ARID5A: variants seen among roughly 807,000 people sequenced by gnomAD.
ARID5A encodes the protein AT-rich interactive domain-containing protein 5A.
Under a neutral mutation model 30.5 loss-of-function variants are expected in ARID5A, and 14 were observed. That is an observed-to-expected ratio of 0.46 (90% CI 0.30 to 0.72). The LOEUF (loss-of-function observed/expected upper bound fraction) is 0.72, where lower values mean the gene tolerates loss of function less well. Ranked by LOEUF, ARID5A falls within the 30% of genes least tolerant of loss-of-function variation. The pLI, the probability that ARID5A is intolerant of heterozygous loss-of-function variation, is 0.07. For synonymous variants in ARID5A, 338 were observed against 340.4 expected, an observed-to-expected ratio of 0.99 and a Z score of 0.08; for missense variants, 669 against 786.2, an observed-to-expected ratio of 0.85 and a Z score of 1.78.
rs768164465 is a variant in ARID5A at position 96,549,727 on chromosome 2, GGCCA to G, written c.260-22_260-19del. 1 of 1,613,908 alleles carries G rather than the reference GGCCA, an allele frequency of 6.2e-7. No individual in the cohort carries two copies. Among genetic ancestry groups the G allele is most frequent in the Non-Finnish European group, 8.5e-7 (1 of 1,179,964 alleles). On this transcript the variant is annotated intron_variant, in intron 3 of 6. Coordinates refer to ENST00000357485, the MANE Select transcript of ARID5A (RefSeq NM_212481.3). This position sits in a 1 kb window ranked among gnomAD's most constrained non-coding sequence, Gnocchi z 6.1. ...GTCCCCACCTCCCACAGAGACTGAC[GGCCA>G]GCCTGCTCTTCTCTCCCCCAGTTAA...
At position 96,537,162 on chromosome 2, in the gene ARID5A, G is replaced by A. The variant is rs901565513; in HGVS notation, c.4+332G>A. ...TCTTGCCTGAAATATGCCGAGCCCG[G>A]TACGGCTCTGTCGTCCCACTTCCTG... is the stretch of plus-strand genomic sequence containing the variant. On this transcript the variant is annotated intron_variant, in intron 1 of 6. Transcript: ENST00000357485. This position sits in a 1 kb window ranked among gnomAD's most constrained non-coding sequence, Gnocchi z 4.8. Among the ~76,000 whole-genome samples the A allele has an allele frequency of 4.6e-5, 7 of 152,204 alleles. No individual in the cohort carries two copies. The highest frequency in any genetic ancestry group is 2.6e-4 in the Admixed American group (4 of 15,284).
In ARID5A at chr2:96,552,460, A is replaced by G. The variant is rs922965513; in HGVS notation, c.*147A>G. Reference sequence around the variant, plus strand: ...GGGCAGCCTGGCACAAGTGAAGAAGAAGGCAGTGGGAAAACTGGGTTTATC... The same window carrying G: ...GGGCAGCCTGGCACAAGTGAAGAAGGAGGCAGTGGGAAAACTGGGTTTATC... On this transcript the variant is annotated 3_prime_UTR_variant, in exon 7 of 7. Transcript: ENST00000357485. 1.9e-6 allele frequency: 3 copies of G among 1,543,074 alleles called. No homozygotes were observed. Among genetic ancestry groups the G allele is most frequent in the African/African-American group, 1.4e-5 (1 of 73,084 alleles).
chr2:96,551,410 C>T lies in ARID5A; in HGVS notation c.882C>T (p.Leu294=). The part of the protein sequence containing the change: ...AEPQASPAVH[L]PESPQSPKGL... ...CCCAGGCGTCCCCAGCTGTTCACCT[C>T]CCAGAGAGTCCCCAGAGCCCCAAAG... is the stretch of plus-strand genomic sequence containing the variant. Residue 294 remains leucine, a synonymous_variant, in exon 7 of 7, where the codon CTC becomes CTT. Transcript: ENST00000357485. 6.2e-7 allele frequency: 1 copy of T among 1,604,674 alleles called. No homozygotes were observed. Among genetic ancestry groups the T allele is most frequent in the South Asian group, 1.1e-5 (1 of 90,302 alleles).
chr2:96,538,160 C>T, intron 1 of ARID5A: 2 of 985,370 alleles, frequency 2.0e-6, no homozygotes, highest in Non-Finnish European at 2.4e-6. Flanking sequence ...AGTTGAGAGA[C>T]GTCAACTGGC....
In ARID5A at chr2:96,552,151, C is replaced by T. The variant is rs760452945; in HGVS notation, c.1623C>T (p.Thr541=). The T allele has an allele frequency of 3.7e-5, 60 of 1,612,988 alleles. No homozygotes were observed. The South Asian group carries it at 4.1e-4, about 11-fold the overall frequency. The change falls in exon 7 of 7, where the codon ACC becomes ACT. Residue 541 remains threonine (T), a synonymous_variant. Coordinates refer to ENST00000357485, the MANE Select transcript of ARID5A (RefSeq NM_212481.3). ...IPAFPAHFLA[T]AGPSPMAAGL... Reference sequence around the variant, plus strand: ...CCTTCCCGGCCCACTTCCTGGCCACCGCAGGCCCCTCGCCCATGGCCGCTG... The same window carrying T: ...CCTTCCCGGCCCACTTCCTGGCCACTGCAGGCCCCTCGCCCATGGCCGCTG...
In ARID5A at chr2:96,549,082, G is replaced by T. The variant is rs1195756040; in HGVS notation, c.121-239G>T. Among the ~76,000 whole-genome samples, 3 of 152,178 alleles carry T rather than the reference G, an allele frequency of 2.0e-5. No homozygotes were observed. The highest frequency in any genetic ancestry group is 3.2e-3 in the Middle Eastern group (1 of 316). ...AGCCTCTGGAGCCAGCTGCTCTGGG[G>T]TACCCAGCCTCCGGGGAGGTCCTGG... On this transcript the variant is annotated intron_variant, in intron 2 of 6. Transcript: ENST00000357485. The surrounding 1 kb of genome is among the most constrained non-coding windows in gnomAD (Gnocchi z 6.1).
At position 96,552,509 on chromosome 2, in the gene ARID5A, G is replaced by A; in HGVS notation, c.*196G>A. ...TCTCAAGGCAGCAGCCTGAGCCCAG[G>A]AGCAGAGGACCCAGTTGTTATAAGG... On this transcript the variant is annotated 3_prime_UTR_variant, in exon 7 of 7. Coordinates refer to ENST00000357485, the MANE Select transcript of ARID5A (RefSeq NM_212481.3). 1 of 1,534,476 alleles carries A rather than the reference G, an allele frequency of 6.5e-7. No individual in the cohort carries two copies. The highest frequency in any genetic ancestry group is 8.7e-7 in the Non-Finnish European group (1 of 1,146,108).
At position 96,551,878 on chromosome 2, in the gene ARID5A, G is replaced by C. The variant is rs1402965177; in HGVS notation, c.1350G>C (p.Glu450Asp). 1 of 1,576,366 alleles carries C rather than the reference G, an allele frequency of 6.3e-7. No individual in the cohort carries two copies. The highest frequency in any genetic ancestry group is 8.6e-7 in the Non-Finnish European group (1 of 1,164,832). ...GLGSKRSLEE[E>D]GAAHSGKRLR... ...GCAGCAAGCGCAGCCTGGAGGAAGA[G>C]GGTGCTGCCCACAGTGGGAAGAGAC... Residue 450 changes from glutamate to aspartate, a missense_variant, in exon 7 of 7, where the codon GAG (glutamate) becomes GAC (aspartate). By Grantham distance (45) the Glu-to-Asp change is conservative. This residue lies in a region of ARID5A where 548 missense variants were observed against 577.4 expected (regional missense o/e 0.95). Coordinates refer to ENST00000357485, the MANE Select transcript of ARID5A (RefSeq NM_212481.3).
Position 96,551,767 on chromosome 2 carries a change from C to G in ARID5A, c.1239C>G (p.Pro413=), listed in dbSNP as rs2066051245. The G allele has an allele frequency of 6.5e-7, 1 of 1,533,252 alleles. No individual in the cohort carries two copies. Among genetic ancestry groups the G allele is most frequent in the Non-Finnish European group, 8.7e-7 (1 of 1,144,514 alleles). 95.0% of individuals were successfully genotyped at this position (1,533,252 alleles called of 1,614,324 possible). ...GSRKGILYPK[P]KACWVSPMAK... ...GAAAGGGCATCCTCTACCCCAAGCC[C>G]AAAGCCTGCTGGGTGTCCCCCATGG... Residue 413 remains proline, a synonymous_variant, in exon 7 of 7, where the codon CCC becomes CCG. Coordinates refer to ENST00000357485, the MANE Select transcript of ARID5A (RefSeq NM_212481.3).
intron 1 of ARID5A, among the ~76,000 whole-genome samples, chr2:96,546,755 ACT>A (rs1426181031): frequency 6.6e-6 from 1 of 152,112 alleles, no homozygotes; most frequent in East Asian, 1.9e-4. Context: ...GGCAGTTAGA[ACT>A]CTGCAGATGC....
chr2:96,551,003 G>T (rs1301916605), intron 6 of ARID5A, 96 bp from the exon 7 acceptor site: 1 of 1,400,064 alleles, frequency 7.1e-7, no homozygotes, highest in South Asian at 1.4e-5. Context: ...AGGGGCTGGC[G>T]GGGGACCTGG....
intron 1 of ARID5A, chr2:96,538,321 G>A: frequency 4.1e-6 from 4 of 985,528 alleles, no homozygotes; most frequent in Non-Finnish European, 4.8e-6. Context: ...CCCAGAGCCC[G>A]GTAAGAGGGA....
In ARID5A at chr2:96,552,535, C is replaced by T. The variant is rs768471498; in HGVS notation, c.*222C>T. The stretch of plus-strand genomic sequence containing the variant: ...AGCAGAGGACCCAGTTGTTATAAGG[C>T]GCTGGGAGAGGATGGGCAGCTCCCA... On this transcript the variant is annotated 3_prime_UTR_variant, in exon 7 of 7. Coordinates refer to ENST00000357485, the MANE Select transcript of ARID5A (RefSeq NM_212481.3). 23 of 1,530,464 alleles carry T rather than the reference C, an allele frequency of 1.5e-5. No individual in the cohort carries two copies. Among genetic ancestry groups the T allele is most frequent in the East Asian group, 4.9e-5 (2 of 40,660 alleles). The allele number at this position is 1,530,464 out of a possible 1,614,324, so 94.8% of individuals were successfully genotyped here.
In ARID5A at chr2:96,550,162, C is replaced by G. The variant is rs1241029991; in HGVS notation, c.313-26C>G. The G allele has an allele frequency of 1.3e-6, 2 of 1,532,462 alleles. No individual in the cohort carries two copies. The highest frequency in any genetic ancestry group is 1.8e-6 in the Non-Finnish European group (2 of 1,141,866). 94.9% of individuals were successfully genotyped at this position (1,532,462 alleles called of 1,614,324 possible). ...CCGCCGCCAGGGGGCGCCCGCCGGCCGCGCCCTCACGAGGTGCCCTTGCAG... is the reference window on the plus strand; with the variant it reads ...CCGCCGCCAGGGGGCGCCCGCCGGCGGCGCCCTCACGAGGTGCCCTTGCAG... On this transcript the variant is annotated intron_variant, in intron 4 of 6. Transcript: ENST00000357485. The surrounding 1 kb of genome is among the most constrained non-coding windows in gnomAD (Gnocchi z 6.6).
chr2:96,542,251 G>C (rs2065859238), intron 1 of ARID5A, among the ~76,000 whole-genome samples: 1 of 152,206 alleles, frequency 6.6e-6, no homozygotes, highest in African/African-American at 2.4e-5. Context: ...CTGCAGAAGA[G>C]GGGGCCCAAA....
intron 1 of ARID5A, among the ~76,000 whole-genome samples, chr2:96,546,564 A>G (rs909328485): frequency 6.6e-6 from 1 of 152,220 alleles, no homozygotes; most frequent in Non-Finnish European, 1.5e-5. Flanking sequence ...TCACCGAACT[A>G]TCAGGGAGCC....
Position 96,537,999 on chromosome 2 carries a change from A to C in ARID5A, c.4+1169A>C. On this transcript the variant is annotated intron_variant, in intron 1 of 6. Coordinates refer to ENST00000357485, the MANE Select transcript of ARID5A (RefSeq NM_212481.3). The surrounding 1 kb of genome is among the most constrained non-coding windows in gnomAD (Gnocchi z 4.8). ...CGGTGGCGTCACTGCGCCTACAGGCAACGCTAGAGCACAGGAGGGGTGGGA... is the reference window on the plus strand; with the variant it reads ...CGGTGGCGTCACTGCGCCTACAGGCCACGCTAGAGCACAGGAGGGGTGGGA... The C allele has an allele frequency of 2.0e-6, 2 of 985,518 alleles. No homozygotes were observed. Among genetic ancestry groups the C allele is most frequent in the Non-Finnish European group, 2.4e-6 (2 of 829,984 alleles). 61.0% of individuals were successfully genotyped at this position (985,518 alleles called of 1,614,324 possible). A position where few individuals can be genotyped will look rare whatever the true frequency, so the allele number is the denominator to read the frequency against.
In ARID5A at chr2:96,550,197, C is replaced by T. The variant is rs11544010; in HGVS notation, c.322C>T (p.Arg108Cys). The change falls in exon 5 of 7, where the codon CGC becomes TGC. Residue 108 changes from arginine to cysteine, a missense_variant. Physicochemically the swap from Arg to Cys is radical, Grantham distance 180. Around this residue, in one of 4 missense-constraint regions of ARID5A, gnomAD observed 64 missense variants for 119.7 expected, o/e 0.53. Coordinates refer to ENST00000357485, the MANE Select transcript of ARID5A (RefSeq NM_212481.3). The surrounding 1 kb of genome is among the most constrained non-coding windows in gnomAD (Gnocchi z 6.6). ...KLGAYELVTG[R>C]RLWKNVYDEL... ...CGAGGTGCCCTTGCAGGTGACCGGG[C>T]GCCGCCTCTGGAAGAACGTGTACGA... is the stretch of plus-strand genomic sequence containing the variant. 1.3e-6 allele frequency: 2 copies of T among 1,534,628 alleles called. No homozygotes were observed. Among genetic ancestry groups the T allele is most frequent in the Non-Finnish European group, 8.8e-7 (1 of 1,142,128 alleles).
chr2:96,549,875 C>A lies in ARID5A; in HGVS notation c.312+70C>A. On this transcript the variant is annotated intron_variant, in intron 4 of 6. Coordinates refer to ENST00000357485, the MANE Select transcript of ARID5A (RefSeq NM_212481.3). The surrounding 1 kb of genome is among the most constrained non-coding windows in gnomAD (Gnocchi z 6.1). ...GGGTGAGCCTGCAGCGCTGTCCTTG[C>A]CTCTGGACAGAGGAAGAGCCAGGAT... 1 of 1,569,980 alleles carries A rather than the reference C, an allele frequency of 6.4e-7. No individual in the cohort carries two copies. Among genetic ancestry groups the A allele is most frequent in the South Asian group, 1.2e-5 (1 of 83,928 alleles).
Sources: gnomAD v4.1 joint callset for allele counts (sites outside exome capture counted in the v4.1 genomes callset) on GRCh38, gnomAD v4.1.1 for gene constraint, gnomAD v4.1.1 regional missense constraint, Gnocchi (gnomAD v3.1) non-coding constraint, MANE v1.5 for transcripts, NCBI Gene and HGNC (gene_info 2026-07-23, HGNC 2026-07-21) for gene names.